Variants in MYO3B observed in about 807,000 individuals in gnomAD.
The protein encoded by MYO3B is myosin IIIB, also known as myosin-IIIb.
Under a neutral mutation model 174.6 loss-of-function variants are expected in MYO3B, and 156 were observed. The observed-to-expected ratio is 0.89, with a 90% CI of 0.78 to 1.02. MYO3B has a LOEUF of 1.02. Ranked by LOEUF, MYO3B falls within the 50% of genes least tolerant of loss-of-function variation. The pLI is 0.00. For synonymous variants in MYO3B, 563 were observed against 569.1 expected (o/e 0.99, Z 0.15); for missense variants, 1,632 against 1,639.4 (o/e 1.00, Z 0.08).
At chr2:170,427,588 G>T (rs2094674941) in intron 22 of MYO3B, among the ~76,000 whole-genome samples, 1 of 152,176 alleles carries the variant, frequency 6.6e-6, no homozygotes, top group Non-Finnish European at 1.5e-5. Flanking sequence ...TATGAGTAAT[G>T]CTGGCCAATT....
chr2:170,298,945 A>G (rs1238230467), intron 7 of MYO3B, among the ~76,000 whole-genome samples: 1 of 152,162 alleles, frequency 6.6e-6, no homozygotes, highest in Non-Finnish European at 1.5e-5. Flanking sequence ...TCAGTAGAGT[A>G]ACATGCTTTA....
intron 25 of MYO3B, among the ~76,000 whole-genome samples, chr2:170,485,466 A>C (rs773298084): frequency 3.3e-4 from 49 of 148,892 alleles, no homozygotes; most frequent in Non-Finnish European, 6.2e-4. Flanking sequence ...GAGGAAGAGG[A>C]ATTTGGACTT....
chr2:170,396,525 G>C (rs1442890163), intron 16 of MYO3B, among the ~76,000 whole-genome samples: 1 of 152,086 alleles, frequency 6.6e-6, no homozygotes, highest in Non-Finnish European at 1.5e-5. Context: ...GGTGAGCATT[G>C]GTTACCCCGC....
intron 25 of MYO3B, among the ~76,000 whole-genome samples, chr2:170,488,560 G>A (rs193072636): frequency 1.9e-4 from 29 of 152,288 alleles, no homozygotes; most frequent in Admixed American, 1.0e-3. Flanking sequence ...TTATTCATAC[G>A]TTATGAGGGA....
intron 13 of MYO3B, 36 bp downstream of exon 13, chr2:170,386,308 A>G (rs1450717973): frequency 3.9e-6 from 6 of 1,553,162 alleles, no homozygotes; most frequent in Non-Finnish European, 4.4e-6. Context: ...TGTGGCGAGA[A>G]GTTCCTACAG....
intron 30 of MYO3B, among the ~76,000 whole-genome samples, chr2:170,520,739 T>C (rs1688627074): frequency 6.6e-6 from 1 of 152,054 alleles, no homozygotes. Context: ...CCTGGCTAAA[T>C]GTAGGCTCAA....
intron 1 of MYO3B, among the ~76,000 whole-genome samples, chr2:170,194,483 C>A (rs1428290558): frequency 6.8e-6 from 1 of 147,804 alleles, no homozygotes; most frequent in African/African-American, 2.5e-5. Flanking sequence ...CCAGCCTAGA[C>A]AACAGAGGAA....
intron 7 of MYO3B, among the ~76,000 whole-genome samples, chr2:170,267,247 G>A (rs972451969): frequency 6.6e-6 from 1 of 152,190 alleles, no homozygotes; most frequent in African/African-American, 2.4e-5. Flanking sequence ...ATCTTGTAGG[G>A]CCCCTTAGTC....
intron 25 of MYO3B, among the ~76,000 whole-genome samples, chr2:170,472,321 C>T (rs1219138026): frequency 1.3e-5 from 2 of 152,198 alleles, no homozygotes; most frequent in Non-Finnish European, 2.9e-5. Context: ...AGTCTCTTCT[C>T]TCATTTTCCA....
intron 27 of MYO3B, among the ~76,000 whole-genome samples, chr2:170,501,005 C>T (rs1011073419): frequency 3.9e-5 from 6 of 152,160 alleles, no homozygotes; most frequent in Non-Finnish European, 7.3e-5. Context: ...CTCTCATAAC[C>T]CAGAATCCTC....
At chr2:170,483,089 T>C (rs1290939850) in intron 25 of MYO3B, among the ~76,000 whole-genome samples, 1 of 152,270 alleles carries the variant, frequency 6.6e-6, no homozygotes, top group Non-Finnish European at 1.5e-5. Flanking sequence ...GAATCTGTAG[T>C]GGTGGTTTGA....
At chr2:170,374,758 T>C (rs4668249) in intron 9 of MYO3B, among the ~76,000 whole-genome samples, 10 of 140,064 alleles carry the variant, frequency 7.1e-5, no homozygotes, top group Admixed American at 2.8e-4. Flanking sequence ...TATGCATACA[T>C]ACACACACAC....
At chr2:170,198,117 T>G (rs1386202968) in intron 1 of MYO3B, among the ~76,000 whole-genome samples, 1 of 48,512 alleles carries the variant, frequency 2.1e-5, no homozygotes, top group Non-Finnish European at 3.9e-5. Context: ...TTTGGGTTTT[T>G]TTTTTTTTTT....
chr2:170,516,925 A>G (rs1432426486), intron 29 of MYO3B, among the ~76,000 whole-genome samples: 2 of 152,020 alleles, frequency 1.3e-5, no homozygotes, highest in Non-Finnish European at 2.9e-5. Context: ...CAACCTATTC[A>G]TACACTTAAA....
rs192675592 is a variant in MYO3B, at chr2:170,460,362, G to C, written c.2731-3006G>C. On this transcript the variant is annotated intron_variant, in intron 23 of 34. Transcript: ENST00000408978. ...AATTAGCCAGGCGTGGTGGTGTGCA[G>C]CTGTAATCCCAGCTACTCAGGAGGC... Among the ~76,000 whole-genome samples the C allele has an allele frequency of 4.3e-3, 647 of 151,854 alleles. 4 individuals carry two copies. The highest frequency in any genetic ancestry group is 0.015 in the African/African-American group (632 of 41,412).
At chr2:170,624,150 A>G (rs1274034325) in intron 32 of MYO3B, among the ~76,000 whole-genome samples, 3 of 152,230 alleles carry the variant, frequency 2.0e-5, no homozygotes, top group African/African-American at 7.2e-5. Context: ...TTGCATCTAT[A>G]AATTACCTAG....
chr2:170,583,976 A>G (rs1219703666), intron 32 of MYO3B, among the ~76,000 whole-genome samples: 3 of 152,244 alleles, frequency 2.0e-5, no homozygotes, highest in African/African-American at 7.2e-5. Flanking sequence ...AACCTGGCAA[A>G]GAGCTGTATA....
At chr2:170,652,550 A>G (rs1160415919) in intron 34 of MYO3B, among the ~76,000 whole-genome samples, 1 of 152,226 alleles carries the variant, frequency 6.6e-6, no homozygotes, top group African/African-American at 2.4e-5. Context: ...AACATGCCCA[A>G]CTGGTTAGAT....
chr2:170,210,361 T>C (rs1276996032), intron 3 of MYO3B, among the ~76,000 whole-genome samples: 1 of 152,238 alleles, frequency 6.6e-6, no homozygotes, highest in South Asian at 2.1e-4. Flanking sequence ...AGAATTTACA[T>C]TTCCATGCCT....
Sources: allele counts gnomAD v4.1 joint callset (sites outside exome capture counted in the v4.1 genomes callset), GRCh38; gene constraint gnomAD v4.1.1; transcripts MANE v1.5; gene names NCBI Gene and HGNC (gene_info 2026-07-23, HGNC 2026-07-21).